LIG1: variants seen among roughly 807,000 people sequenced by gnomAD.
LIG1 encodes DNA ligase 1, also known as ligase I, DNA, ATP-dependent.
Under a neutral mutation model 115.7 loss-of-function variants are expected in LIG1, and 70 were observed. The observed-to-expected ratio is 0.60, with a 90% CI of 0.50 to 0.74. The LOEUF is 0.74. Among genes scored for constraint, LIG1 ranks in the 30% least tolerant of loss-of-function variants. The probability of loss-of-function intolerance (pLI) is 0.00; values close to 1 mark genes in which losing one functional copy is unlikely to be tolerated. For missense variants in LIG1, 1,115 were observed against 1,225.6 expected (o/e 0.91, Z 1.35); for synonymous variants, 487 against 495.3 (o/e 0.98, Z 0.22).
At chr19:48,144,276 G>A (rs2034975126) in intron 9 of LIG1, among the ~76,000 whole-genome samples, 1 of 152,180 alleles carries the variant, frequency 6.6e-6, no homozygotes, top group Non-Finnish European at 1.5e-5. Context: ...GGAGACATCT[G>A]GGCAGAATGA....
rs760052419 is a variant in LIG1 at position 48,127,325 on chromosome 19, C to G, written c.1956G>C (p.Gln652His). 7.4e-6 allele frequency: 12 copies of G among 1,613,608 alleles called. No homozygotes were observed. In the African/African-American group the frequency reaches 1.6e-4, roughly 22 times the overall value. ...CGAAGGCGTACAAACACACCTGCAC[C>G]TGGATCTCAGACGCATCCACCTCCT... ...KRKEVDASEI[Q>H]VQVCLYAFDL... is the part of the protein sequence containing the mutation. Residue 652 changes from glutamine to histidine, a missense_variant, in exon 21 of 28, where the codon CAG becomes CAC. Gln to His is a conservative substitution (Grantham distance 24). Coordinates refer to ENST00000263274, the MANE Select transcript of LIG1 (RefSeq NM_000234.3).
chr19:48,161,913 C>T (rs1005640758), intron 3 of LIG1, among the ~76,000 whole-genome samples: 8 of 149,828 alleles, frequency 5.3e-5, no homozygotes, highest in Non-Finnish European at 1.0e-4. Context: ...GCACTCCAGC[C>T]TGGGTGAGAG....
At chr19:48,121,716 G>A (rs1193602664) in intron 23 of LIG1, among the ~76,000 whole-genome samples, 16 of 152,178 alleles carry the variant, frequency 1.1e-4, no homozygotes, top group East Asian at 3.9e-4. Flanking sequence ...CAGGGGAATC[G>A]CTTGAACCCG....
intron 9 of LIG1, among the ~76,000 whole-genome samples, chr19:48,148,474 CAAAAA>C (rs55722968): frequency 6.4e-4 from 62 of 97,340 alleles, no homozygotes; most frequent in African/African-American, 1.7e-3. Context: ...GATTCCATCT[CAAAAA>C]AAAAAAAAAA....
intron 25 of LIG1, chr19:48,118,453 C>CT (rs1230414077): frequency 6.4e-6 from 1 of 156,832 alleles, no homozygotes; most frequent in East Asian, 1.9e-4. Context: ...CTTTGCTCCT[C>CT]TTTCGCCTTC....
Position 48,129,101 on chromosome 19 carries a change from G to A in LIG1, c.1822-1081C>T, listed in dbSNP as rs978494068. Among the ~76,000 whole-genome samples, 6 of 151,394 alleles carry A rather than the reference G, an allele frequency of 4.0e-5. No individual in the cohort carries two copies. The South Asian group carries it at 8.3e-4, about 21-fold the overall frequency. ...ACAGTCTCCCACTGTTGTCCAGCCT[G>A]GCGTGCAGTGGTGCAATCTCCGCTC... On this transcript the variant is annotated intron_variant, in intron 19 of 27. Coordinates refer to ENST00000263274, the MANE Select transcript of LIG1 (RefSeq NM_000234.3).
intron 4 of LIG1, among the ~76,000 whole-genome samples, chr19:48,157,624 A>G (rs2035933496): frequency 6.6e-6 from 1 of 152,064 alleles, no homozygotes; most frequent in African/African-American, 2.4e-5. Flanking sequence ...GGCTCACTGC[A>G]ACCTCTGCCT....
intron 5 of LIG1, among the ~76,000 whole-genome samples, chr19:48,156,681 G>A (rs1325428389): frequency 2.0e-5 from 3 of 151,764 alleles, no homozygotes; most frequent in African/African-American, 4.8e-5. Flanking sequence ...GGTGGCTCAC[G>A]CCTGTAATCC....
intron 5 of LIG1, among the ~76,000 whole-genome samples, chr19:48,155,395 C>T (rs1380885133): frequency 6.6e-6 from 1 of 152,160 alleles, no homozygotes; most frequent in Non-Finnish European, 1.5e-5. Flanking sequence ...CCAAACATCC[C>T]ATGCTGTTCC....
At position 48,126,474 on chromosome 19, in the gene LIG1, T is replaced by C. The variant is rs561587525; in HGVS notation, c.2004+803A>G. 1.4e-3 allele frequency among the ~76,000 whole-genome samples: 216 copies of C among 151,992 alleles called. 2 individuals carry two copies. The highest frequency in any genetic ancestry group is 4.9e-3 in the African/African-American group (202 of 41,448). ...TACAAAAATTAGCTGGACCTGGTGG[T>C]GCACATCTGTAATCCCAGCTACTTG... is the stretch of plus-strand genomic sequence containing the variant. On this transcript the variant is annotated intron_variant, in intron 21 of 27. Transcript: ENST00000263274.
intron 19 of LIG1, among the ~76,000 whole-genome samples, chr19:48,129,487 C>A (rs146566266): frequency 7.0e-4 from 106 of 152,324 alleles, no homozygotes; most frequent in African/African-American, 2.3e-3. Context: ...TCAGTGAGGG[C>A]AGAGACCATG....
intron 11 of LIG1, among the ~76,000 whole-genome samples, chr19:48,143,154 G>T (rs1275056178): frequency 1.3e-5 from 2 of 152,102 alleles, no homozygotes; most frequent in African/African-American, 2.4e-5. Flanking sequence ...ATGAGTAGGG[G>T]GTCCTCGCTA....
intron 4 of LIG1, among the ~76,000 whole-genome samples, 167 bp from the exon 5 acceptor site, chr19:48,157,307 G>A (rs1472047576): frequency 3.9e-5 from 6 of 152,036 alleles, no homozygotes; most frequent in Non-Finnish European, 8.8e-5. Context: ...CCATCATCCC[G>A]CCCTCCAGTG....
rs768976987 is a variant in LIG1 at position 48,137,717 on chromosome 19, C to T, written c.1088-29G>A. 15 of 1,599,294 alleles carry T rather than the reference C, an allele frequency of 9.4e-6. No homozygotes were observed. The highest frequency in any genetic ancestry group is 1.3e-5 in the African/African-American group (1 of 74,882). ...CAGGGGAGAGCGCGGGTGGGGGTGT[C>T]GAGGGTGACAGTTGTGGCTGCGTGT... On this transcript the variant is annotated intron_variant, in intron 12 of 27. Coordinates refer to ENST00000263274, the MANE Select transcript of LIG1 (RefSeq NM_000234.3). This position sits in a 1 kb window ranked among gnomAD's most constrained non-coding sequence, Gnocchi z 4.3.
chr19:48,154,036 AC>A, intron 5 of LIG1, 69 bp from the exon 6 acceptor site: 1 of 1,294,726 alleles, frequency 7.7e-7, no homozygotes, highest in Non-Finnish European at 1.1e-6. Flanking sequence ...GAGAGCTCAC[AC>A]CCACTGATGT....
chr19:48,167,105 T>G (rs1599897718), intron 1 of LIG1, among the ~76,000 whole-genome samples: 1 of 151,280 alleles, frequency 6.6e-6, no homozygotes, highest in African/African-American at 2.4e-5. Context: ...GACTTTATTC[T>G]TGTAAACTTC....
At chr19:48,144,186 C>A (rs767031495) in intron 9 of LIG1, among the ~76,000 whole-genome samples, 1 of 152,144 alleles carries the variant, frequency 6.6e-6, no homozygotes, top group Non-Finnish European at 1.5e-5. Flanking sequence ...TTAAAAAAAT[C>A]TTTCAGAAAA....
intron 11 of LIG1, among the ~76,000 whole-genome samples, chr19:48,141,784 GA>G (rs773478319): frequency 1.3e-5 from 2 of 152,184 alleles, no homozygotes; most frequent in Non-Finnish European, 2.9e-5. Flanking sequence ...GTGCAGAGAA[GA>G]AATACAAAAA....
At chr19:48,128,050 TGA>T in intron 19 of LIG1, 30 bp from the exon 20 acceptor site, 3 of 1,549,932 alleles carry the variant, frequency 1.9e-6, no homozygotes, top group Non-Finnish European at 2.7e-6. Flanking sequence ...ACCCAGGGCC[TGA>T]GAGAGGTGGA....
Sources: gnomAD v4.1 joint callset for allele counts (sites outside exome capture counted in the v4.1 genomes callset) on GRCh38, gnomAD v4.1.1 for gene constraint, Gnocchi (gnomAD v3.1) non-coding constraint, MANE v1.5 for transcripts, NCBI Gene and HGNC (gene_info 2026-07-23, HGNC 2026-07-21) for gene names.